BAIAP2: variants seen among roughly 807,000 people sequenced by gnomAD.
BAIAP2 encodes BAR/IMD domain containing adaptor protein 2, also known as BAR/IMD domain-containing adapter protein 2.
A neutral mutation model predicts 63.0 loss-of-function variants in BAIAP2; 18 were observed. That is an observed-to-expected ratio of 0.29 (90% CI 0.20 to 0.42). The LOEUF (loss-of-function observed/expected upper bound fraction) is 0.42. Ranked by LOEUF, BAIAP2 falls within the 10% of genes least tolerant of loss-of-function variation. The pLI is 1.00. For missense variants in BAIAP2, 610 were observed against 734.3 expected, an observed-to-expected ratio of 0.83 and a Z score of 1.96; for synonymous variants, 386 against 307.6, an observed-to-expected ratio of 1.25 and a Z score of -2.67.
At position 81,085,394 on chromosome 17, in the gene BAIAP2, G is replaced by A. The variant is rs989164639; in HGVS notation, c.280-260G>A. The A allele has an allele frequency of 4.7e-6, 3 of 637,282 alleles. No individual in the cohort carries two copies. In the African/African-American group the frequency reaches 5.4e-5, roughly 11 times the overall value. The allele number at this position is 637,282 out of a possible 1,614,324, so 39.5% of individuals were successfully genotyped here. A position where few individuals can be genotyped will look rare whatever the true frequency, so the allele number is the denominator to read the frequency against. The stretch of plus-strand genomic sequence containing the variant: ...AGCATGGGACAGCAGAGGAAGGAGG[G>A]GATGGCCGTTTGTTTCCCTTGTGGC... On this transcript the variant is annotated intron_variant, in intron 4 of 13. Coordinates refer to ENST00000428708, the MANE Select transcript of BAIAP2 (RefSeq NM_001144888.2).
At position 81,089,211 on chromosome 17, in the gene BAIAP2, T is replaced by C. The variant is rs973156045; in HGVS notation, c.489+2631T>C. 2.0e-5 allele frequency among the ~76,000 whole-genome samples: 3 copies of C among 152,232 alleles called. No homozygotes were observed. In the East Asian group the frequency reaches 5.8e-4, roughly 29 times the overall value. ...TGTTTGCTGCATGTCCTGGCACTTT[T>C]GAGGTCTGTTGGGGGACCATGTTGG... On this transcript the variant is annotated intron_variant, in intron 6 of 13. Transcript: ENST00000428708.
Position 81,045,842 on chromosome 17 carries a change from C to T in BAIAP2, c.55-7826C>T, listed in dbSNP as rs79481175. ...GGTCAGCCAGGCCACGCCGAAGCTG[C>T]CCTTGGAGAAGCCTAGTGGCCCCTC... On this transcript the variant is annotated intron_variant, in intron 1 of 13. Coordinates refer to ENST00000428708, the MANE Select transcript of BAIAP2 (RefSeq NM_001144888.2). 6.0e-3 allele frequency among the ~76,000 whole-genome samples: 908 copies of T among 152,280 alleles called. 5 individuals carry two copies. Among genetic ancestry groups the T allele is most frequent in the African/African-American group, 0.021 (871 of 41,554 alleles).
chr17:81,061,640 G>A (rs906542970), intron 3 of BAIAP2, among the ~76,000 whole-genome samples: 1 of 152,320 alleles, frequency 6.6e-6, no homozygotes, highest in African/African-American at 2.4e-5. Flanking sequence ...CCTGTTGTGC[G>A]GAGGTGCCAC....
At chr17:81,042,206 A>C (rs1282793646) in intron 1 of BAIAP2, among the ~76,000 whole-genome samples, 3 of 136,264 alleles carry the variant, frequency 2.2e-5, no homozygotes, top group Non-Finnish European at 3.0e-5. Flanking sequence ...CAATGGTGTG[A>C]TCTCACCTCA....
intron 13 of BAIAP2, among the ~76,000 whole-genome samples, chr17:81,111,976 GTCT>G (rs1032645639): frequency 1.3e-5 from 2 of 152,260 alleles, no homozygotes; most frequent in Admixed American, 6.5e-5. Context: ...TCATGGATCT[GTCT>G]TCTTTCACTG....
At chr17:81,110,525 T>C in intron 13 of BAIAP2, 2 of 1,107,214 alleles carry the variant, frequency 1.8e-6, no homozygotes, top group Non-Finnish European at 2.2e-6. Context: ...GAGTTGGGTA[T>C]GGACCTCCTT....
intron 6 of BAIAP2, among the ~76,000 whole-genome samples, chr17:81,088,742 A>G (rs1235197419): frequency 6.6e-6 from 1 of 152,078 alleles, no homozygotes; most frequent in Non-Finnish European, 1.5e-5. Flanking sequence ...ATCGTGTTCC[A>G]TCGTGTGGGT....
At position 81,115,960 on chromosome 17, in the gene BAIAP2, C is replaced by T. The variant is rs2060506093; in HGVS notation, c.*121C>T. The stretch of plus-strand genomic sequence containing the variant: ...TCCAGGCCCCGGCTGCCTGGTCTTG[C>T]CCCACTTGAGTCTGGCCTGGACTGG... On this transcript the variant is annotated 3_prime_UTR_variant, in exon 14 of 14. Transcript: ENST00000428708. 7.9e-6 allele frequency: 12 copies of T among 1,520,264 alleles called. No homozygotes were observed. The highest frequency in any genetic ancestry group is 2.2e-4 in the Middle Eastern group (1 of 4,606). The allele number at this position is 1,520,264 out of a possible 1,614,324, so 94.2% of individuals were successfully genotyped here. A position where few individuals can be genotyped will look rare whatever the true frequency, so the allele number is the denominator to read the frequency against.
At chr17:81,073,692 C>T (rs2053115251) in intron 3 of BAIAP2, among the ~76,000 whole-genome samples, 2 of 152,190 alleles carry the variant, frequency 1.3e-5, no homozygotes, top group Non-Finnish European at 2.9e-5. Flanking sequence ...CTGAGATTCA[C>T]GCTCTCTCTC....
In BAIAP2 at chr17:81,116,173, G is replaced by A; in HGVS notation, c.*334G>A. Reference sequence around the variant, plus strand: ...ATTTGGCCAGCTGGTGGCTGGGAGGGGAGCCTGGCTGCCCTGCTGCTTCTC... The same window carrying A: ...ATTTGGCCAGCTGGTGGCTGGGAGGAGAGCCTGGCTGCCCTGCTGCTTCTC... On this transcript the variant is annotated 3_prime_UTR_variant, in exon 14 of 14. Coordinates refer to ENST00000428708, the MANE Select transcript of BAIAP2 (RefSeq NM_001144888.2). 1.2e-6 allele frequency: 2 copies of A among 1,605,292 alleles called. No homozygotes were observed. Among genetic ancestry groups the A allele is most frequent in the Non-Finnish European group, 1.7e-6 (2 of 1,175,266 alleles).
intron 1 of BAIAP2, among the ~76,000 whole-genome samples, chr17:81,047,900 A>G (rs186374939): frequency 1.3e-5 from 2 of 152,392 alleles, no homozygotes; most frequent in Admixed American, 6.5e-5. Context: ...ATATATGTGC[A>G]TGCATGGGTC....
chr17:81,055,812 G>A (rs191871736), intron 2 of BAIAP2, among the ~76,000 whole-genome samples: 58 of 152,002 alleles, frequency 3.8e-4, no homozygotes, highest in East Asian at 1.4e-3. Flanking sequence ...TGATCCGCCC[G>A]CCTCAGCCTC....
chr17:81,116,439 CCAGGCCCCTCCTGCCTCGGG>C lies in BAIAP2; in HGVS notation c.*609_*628del. The C allele has an allele frequency of 2.5e-6, 3 of 1,183,634 alleles. No homozygotes were observed. The highest frequency in any genetic ancestry group is 3.5e-6 in the Non-Finnish European group (3 of 848,738). The allele number at this position is 1,183,634 out of a possible 1,614,324, so 73.3% of individuals were successfully genotyped here. A position where few individuals can be genotyped will look rare whatever the true frequency, so the allele number is the denominator to read the frequency against. On this transcript the variant is annotated 3_prime_UTR_variant, in exon 14 of 14. Transcript: ENST00000428708. ...CACTGGCAATGTCACAAGGGCCTCCCCAGGCCCCTCCTGCCTCGGGCAGGCCCCAGCCCTCCTCCTTACCC... is the reference window on the plus strand; with the variant it reads ...CACTGGCAATGTCACAAGGGCCTCCCCAGGCCCCAGCCCTCCTCCTTACCC...
At chr17:81,061,591 G>A (rs1004015037) in intron 3 of BAIAP2, among the ~76,000 whole-genome samples, 16 of 152,100 alleles carry the variant, frequency 1.1e-4, no homozygotes, top group African/African-American at 3.9e-4. Context: ...TTCCTGCTGC[G>A]CGCGTCAGGA....
At chr17:81,069,539 C>T (rs116641272) in intron 3 of BAIAP2, among the ~76,000 whole-genome samples, 4,079 of 152,324 alleles carry the variant, frequency 0.027, 201 homozygotes, top group African/African-American at 0.094. Context: ...GGGTCCAGGG[C>T]TGGCTTCAAG....
chr17:81,101,033 T>TCC (rs1280036738), intron 7 of BAIAP2, among the ~76,000 whole-genome samples: 1 of 151,986 alleles, frequency 6.6e-6, no homozygotes, highest in African/African-American at 2.4e-5. Flanking sequence ...GCCCTGTGTT[T>TCC]CCCGCTAGGC....
intron 1 of BAIAP2, among the ~76,000 whole-genome samples, chr17:81,041,386 C>T (rs528091101): frequency 2.5e-4 from 38 of 152,246 alleles, no homozygotes; most frequent in Middle Eastern, 3.4e-3. Context: ...GGGATGCACG[C>T]GGCACCATGA....
chr17:81,036,400 C>G (rs532421066), intron 1 of BAIAP2, among the ~76,000 whole-genome samples: 1 of 152,352 alleles, frequency 6.6e-6, no homozygotes, highest in South Asian at 2.1e-4. Flanking sequence ...GCACCCTGCC[C>G]GGCAGAGTAA....
intron 1 of BAIAP2, among the ~76,000 whole-genome samples, chr17:81,039,454 T>A (rs906046741): frequency 2.8e-4 from 42 of 152,340 alleles, no homozygotes; most frequent in Admixed American, 3.9e-4. Context: ...CCGATGGATG[T>A]GGCCAGGCGT....
Sources: gnomAD v4.1 joint callset for allele counts (sites outside exome capture counted in the v4.1 genomes callset) on GRCh38, gnomAD v4.1.1 for gene constraint, MANE v1.5 for transcripts, NCBI Gene and HGNC (gene_info 2026-07-23, HGNC 2026-07-21) for gene names.